Variants in TSGA10IP observed in about 807,000 individuals in gnomAD.
The protein encoded by TSGA10IP is testis specific 10 interacting protein.
Under a neutral mutation model 63.2 loss-of-function variants are expected in TSGA10IP, and 64 were observed. The observed-to-expected ratio is 1.01, with a 90% confidence interval of 0.83 to 1.25. The LOEUF is 1.25. Ranked by LOEUF, TSGA10IP falls within the 50% of genes most tolerant of loss-of-function variation. The pLI is 0.00. For synonymous variants in TSGA10IP, 316 were observed against 298.3 expected (o/e 1.06, Z -0.61); for missense variants, 681 against 710.1 (o/e 0.96, Z 0.47).
chr11:65,953,493 T>C (rs1854973104), intron 4 of TSGA10IP, 74 bp from the exon 5 acceptor site: 3 of 1,475,098 alleles, frequency 2.0e-6, no homozygotes, highest in South Asian at 2.8e-5. Flanking sequence ...CATATTCCCT[T>C]ATCCAGCCCC....
chr11:65,949,223 G>A (rs2134869139), intron 4 of TSGA10IP, among the ~76,000 whole-genome samples: 1 of 152,198 alleles, frequency 6.6e-6, no homozygotes, highest in Non-Finnish European at 1.5e-5. Context: ...GGAGACAGTG[G>A]GAGCTGAAGG....
intron 5 of TSGA10IP, among the ~76,000 whole-genome samples, chr11:65,955,432 C>T (rs917294414): frequency 1.3e-5 from 2 of 152,036 alleles, no homozygotes; most frequent in Admixed American, 1.3e-4. Flanking sequence ...GTAATGAAAC[C>T]CCGTCTATAC....
chr11:65,956,947 C>T (rs1855034842), intron 5 of TSGA10IP, among the ~76,000 whole-genome samples: 1 of 152,306 alleles, frequency 6.6e-6, no homozygotes, highest in African/African-American at 2.4e-5. Context: ...AGGGCTAAGG[C>T]ATAAGTAGGT....
intron 4 of TSGA10IP, among the ~76,000 whole-genome samples, chr11:65,950,154 C>T (rs1238957181): frequency 6.6e-6 from 1 of 151,690 alleles, no homozygotes; most frequent in South Asian, 2.1e-4. Context: ...CCCGGTCTTA[C>T]TTGATTTTTT....
At chr11:65,945,879 G>A (rs1854822254) in intron 1 of TSGA10IP, 57 bp downstream of exon 1, 4 of 1,585,132 alleles carry the variant, frequency 2.5e-6, no homozygotes, top group South Asian at 1.2e-5. Context: ...GGGTCAGGGA[G>A]GCCTGGGCTG....
intron 5 of TSGA10IP, among the ~76,000 whole-genome samples, chr11:65,957,484 C>T (rs1201084958): frequency 6.6e-6 from 1 of 152,220 alleles, no homozygotes; most frequent in Non-Finnish European, 1.5e-5. Context: ...AAGATAGGGA[C>T]TGCCAGCTCA....
intron 6 of TSGA10IP, 96 bp from the exon 7 acceptor site, chr11:65,959,094 C>T (rs1463826505): frequency 1.2e-5 from 18 of 1,562,132 alleles, no homozygotes; most frequent in Non-Finnish European, 1.5e-5. Flanking sequence ...AGGGCTGCTG[C>T]CCTCTGGAAT....
At chr11:65,948,620 G>A (rs1217702744) in intron 4 of TSGA10IP, among the ~76,000 whole-genome samples, 1 of 152,028 alleles carries the variant, frequency 6.6e-6, no homozygotes. Flanking sequence ...AGACTGCAGT[G>A]AGCTATGATC....
At chr11:65,945,782 G>A (rs1273902519) in exon 1 of TSGA10IP, 1 of 1,614,000 alleles carries the variant, frequency 6.2e-7, no homozygotes, top group Non-Finnish European at 8.5e-7. Flanking sequence ...ACCAGAACGG[G>A]GCTGCTCAAG....
intron 4 of TSGA10IP, among the ~76,000 whole-genome samples, chr11:65,950,586 G>A (rs980287632): frequency 2.0e-5 from 3 of 149,862 alleles, no homozygotes; most frequent in African/African-American, 7.4e-5. Flanking sequence ...CTGAGATGGA[G>A]TCTTGTCTCA....
intron 4 of TSGA10IP, among the ~76,000 whole-genome samples, chr11:65,951,206 G>A (rs1854936188): frequency 6.6e-6 from 1 of 152,044 alleles, no homozygotes; most frequent in African/African-American, 2.4e-5. Flanking sequence ...CATTTCCTTT[G>A]AATATGTACC....
At chr11:65,959,445 G>A in intron 7 of TSGA10IP, 131 bp downstream of exon 7, 1 of 1,381,606 alleles carries the variant, frequency 7.2e-7, no homozygotes, top group Non-Finnish European at 9.7e-7. Flanking sequence ...GCAAGGCCAG[G>A]GTTGTCATTC....
chr11:65,953,334 A>G (rs532397041), intron 4 of TSGA10IP, among the ~76,000 whole-genome samples: 1 of 152,196 alleles, frequency 6.6e-6, no homozygotes, highest in Admixed American at 6.5e-5. Flanking sequence ...CCTGGCCTGG[A>G]AGCAGGAGAC....
At chr11:65,953,531 G>C (rs76556836) in intron 4 of TSGA10IP, 36 bp from the exon 5 acceptor site, 2 of 1,513,794 alleles carry the variant, frequency 1.3e-6, no homozygotes, top group Non-Finnish European at 1.8e-6. Flanking sequence ...CCTGCTGCCC[G>C]TGAACCTCTC....
chr11:65,948,027 T>G, exon 4 of TSGA10IP: 1 of 1,565,356 alleles, frequency 6.4e-7, no homozygotes, highest in Non-Finnish European at 8.7e-7. Context: ...CTGGAAGACT[T>G]TGAGGGCTGC....
At chr11:65,951,879 T>C (rs1291274372) in intron 4 of TSGA10IP, among the ~76,000 whole-genome samples, 1 of 149,608 alleles carries the variant, frequency 6.7e-6, no homozygotes, top group African/African-American at 2.5e-5. Context: ...AGATGGAGCC[T>C]CACTTCGTCA....
rs545969622 is a variant in TSGA10IP, at chr11:65,947,144, C to A, written c.319C>A (p.Pro107Thr). The change falls in exon 3 of 8, where the codon CCC (proline) becomes ACC (threonine). Residue 107 changes from proline to threonine, a missense_variant. By Grantham distance (38) the Pro-to-Thr change is conservative. Transcript: ENST00000532620. ...GCTTCTTCCTCGGAAACCCTCCTTC[C>A]CCTTCCAGTGGGCCTGGGAGAGCAT... 2.5e-5 allele frequency: 41 copies of A among 1,612,070 alleles called. 1 individual carries two copies. The East Asian group carries it at 9.1e-4, about 36-fold the overall frequency.
intron 5 of TSGA10IP, among the ~76,000 whole-genome samples, chr11:65,958,504 C>T (rs554594158): frequency 2.6e-5 from 4 of 152,276 alleles, no homozygotes; most frequent in South Asian, 4.1e-4. Context: ...ACAGCTCCCC[C>T]TCAAGGGAAA....
exon 6 of TSGA10IP, chr11:65,958,964 G>C (rs759639455): frequency 1.2e-6 from 2 of 1,613,250 alleles, no homozygotes; most frequent in South Asian, 2.2e-5. Flanking sequence ...GGCCCTTCCT[G>C]TTCCAGCAGG....
Sources: gnomAD v4.1 joint callset for allele counts (sites outside exome capture counted in the v4.1 genomes callset) on GRCh38, gnomAD v4.1.1 for gene constraint, MANE v1.5 for transcripts, NCBI Gene and HGNC (gene_info 2026-07-23, HGNC 2026-07-21) for gene names.